FER1L5: variants seen among roughly 807,000 people sequenced by gnomAD.
The protein encoded by FER1L5 is fer-1-like protein 5.
In FER1L5, 187 loss-of-function variants were observed where a neutral mutation model predicts 279.9. The observed-to-expected ratio is 0.67, with a 90% CI of 0.59 to 0.75. The LOEUF is 0.75. Ranked by LOEUF, FER1L5 falls within the 30% of genes least tolerant of loss-of-function variation. The pLI is 0.00. For missense variants in FER1L5, 2,091 were observed against 2,594.4 expected, an observed-to-expected ratio of 0.81 and a Z score of 4.21; for synonymous variants, 921 against 989.7, an observed-to-expected ratio of 0.93 and a Z score of 1.30.
Position 96,691,589 on chromosome 2 carries a change from A to G in FER1L5, c.3052A>G (p.Ile1018Val). ...APNKDKGIAP[I>V]FLLEGSLAMD... ...CAACAAGGACAAGGGCATCGCGCCC[A>G]TATTCCTCCTGGAGGGGTCCTTGGT... Residue 1018 changes from isoleucine (I) to valine (V), a missense_variant, in exon 29 of 53, where the codon ATA (isoleucine) becomes GTA (valine). By Grantham distance (29) the Ile-to-Val change is conservative (BLOSUM62 3). Coordinates refer to ENST00000624922, the MANE Select transcript of FER1L5 (RefSeq NM_001293083.2). The surrounding 1 kb of genome is among the most constrained non-coding windows in gnomAD (Gnocchi z 6.0). The G allele has an allele frequency of 6.5e-7, 1 of 1,538,944 alleles. No homozygotes were observed. The highest frequency in any genetic ancestry group is 8.8e-7 in the Non-Finnish European group (1 of 1,141,004).
At chr2:96,690,376 G>A (rs1003745908) in intron 26 of FER1L5, 111 bp from the exon 27 acceptor site, 3 of 904,048 alleles carry the variant, frequency 3.3e-6, no homozygotes, top group Non-Finnish European at 5.2e-6. Flanking sequence ...GGCCTGGAGT[G>A]GGAGGCTGCT....
intron 19 of FER1L5, among the ~76,000 whole-genome samples, chr2:96,683,119 C>A (rs970768967): frequency 2.6e-5 from 4 of 152,170 alleles, no homozygotes; most frequent in African/African-American, 9.7e-5. Flanking sequence ...ATTCCCCGGC[C>A]CCAACGGCTT....
rs2077633737 is a variant in FER1L5, at chr2:96,702,743, T to C, written c.5397+2T>C. On this transcript the variant is annotated splice_donor_variant, in intron 48 of 52. Coordinates refer to ENST00000624922, the MANE Select transcript of FER1L5 (RefSeq NM_001293083.2). LOFTEE classifies it high-confidence loss of function. The surrounding 1 kb of genome is among the most constrained non-coding windows in gnomAD (Gnocchi z 4.0). ...CGCACGTGTGTCCAGAGCCAGAAGG[T>C]AACAGGCCTGGGGCGTGAGGGGCAA... 2 of 1,612,568 alleles carry C rather than the reference T, an allele frequency of 1.2e-6. No individual in the cohort carries two copies. The highest frequency in any genetic ancestry group is 1.7e-6 in the Non-Finnish European group (2 of 1,179,510).
At chr2:96,661,528 ATCTC>A in intron 11 of FER1L5, 88 bp downstream of exon 11, 1 of 1,506,790 alleles carries the variant, frequency 6.6e-7, no homozygotes, top group Non-Finnish European at 9.0e-7. Context: ...TGACCATCAC[ATCTC>A]TCCTTTGTCC....
intron 19 of FER1L5, among the ~76,000 whole-genome samples, chr2:96,677,535 A>G (rs1179778942): frequency 6.6e-6 from 1 of 152,104 alleles, no homozygotes; most frequent in African/African-American, 2.4e-5. Flanking sequence ...TAATCCATTC[A>G]TCAGTTGATG....
rs1461135779 is a variant in FER1L5 at position 96,690,690 on chromosome 2, C to T, written c.2743+101C>T. ...GAGCAGCCAAGCCCTCCATGGTATA[C>T]GCCTAAATTCCTGGGGCCCCCTGGC... On this transcript the variant is annotated intron_variant, in intron 27 of 52. Coordinates refer to ENST00000624922, the MANE Select transcript of FER1L5 (RefSeq NM_001293083.2). 17 of 1,098,636 alleles carry T rather than the reference C, an allele frequency of 1.5e-5. No homozygotes were observed. In the African/African-American group the frequency reaches 1.7e-4, roughly 11 times the overall value. The allele number at this position is 1,098,636 out of a possible 1,614,324, so 68.1% of individuals were successfully genotyped here. A position where few individuals can be genotyped will look rare whatever the true frequency, so the allele number is the denominator to read the frequency against.
At chr2:96,659,392 T>TTCCTTC (rs2075801890) in intron 9 of FER1L5, among the ~76,000 whole-genome samples, 1 of 8,338 alleles carries the variant, frequency 1.2e-4, no homozygotes. Context: ...TTTCTTTCTT[T>TTCCTTC]CTTTCTTTCT....
chr2:96,693,884 C>T (rs1392446950), intron 32 of FER1L5, 27 bp from the exon 33 acceptor site: 7 of 1,528,884 alleles, frequency 4.6e-6, no homozygotes, highest in African/African-American at 1.4e-5. Flanking sequence ...GCATGGCCTC[C>T]ATGCTTTGTG....
rs2077358359 is a variant in FER1L5 at position 96,695,918 on chromosome 2, TCCG to T, written c.4057+15_4057+17del. 2.5e-6 allele frequency: 4 copies of T among 1,612,312 alleles called. No individual in the cohort carries two copies. In the African/African-American group the frequency reaches 5.3e-5, roughly 22 times the overall value. The stretch of plus-strand genomic sequence containing the variant: ...CAAAGCTTCCAAGTACGGCCCTTCC[TCCG>T]TGCCTTTCCCCAGGCCTCACAAGCG... On this transcript the variant is annotated intron_variant, in intron 36 of 52. Transcript: ENST00000624922.
intron 14 of FER1L5, among the ~76,000 whole-genome samples, chr2:96,664,549 T>C (rs752917880): frequency 6.6e-6 from 1 of 152,256 alleles, no homozygotes; most frequent in Non-Finnish European, 1.5e-5. Flanking sequence ...TGCTAAGTAA[T>C]ATTCCATTGT....
intron 18 of FER1L5, among the ~76,000 whole-genome samples, chr2:96,672,198 C>T (rs1385232884): frequency 6.6e-6 from 1 of 152,166 alleles, no homozygotes; most frequent in African/African-American, 2.4e-5. Context: ...CTTGCCTCAG[C>T]CTCCTGAGTA....
rs549831652 is a variant in FER1L5, at chr2:96,693,400, C to G, written c.3293-106C>G. 94 of 1,214,780 alleles carry G rather than the reference C, an allele frequency of 7.7e-5. No individual in the cohort carries two copies. The East Asian group carries it at 2.4e-3, about 31-fold the overall frequency. 75.3% of individuals were successfully genotyped at this position (1,214,780 alleles called of 1,614,324 possible). On this transcript the variant is annotated intron_variant, in intron 31 of 52. Coordinates refer to ENST00000624922, the MANE Select transcript of FER1L5 (RefSeq NM_001293083.2). ...CTGGGAGGCCTCAGTGGCTGCCCTGCCTGACCCTCCTGGGCCCCACTGGGT... is the reference window on the plus strand; with the variant it reads ...CTGGGAGGCCTCAGTGGCTGCCCTGGCTGACCCTCCTGGGCCCCACTGGGT...
Position 96,698,146 on chromosome 2 carries a change from G to C in FER1L5, c.4346G>C (p.Gly1449Ala). Reference sequence around the variant, plus strand: ...CCCAAGTTGGACAGCCCCGTGGTAGGGGAGTTCAAGGTGTGTGTCCACCCC... The same window carrying C: ...CCCAAGTTGGACAGCCCCGTGGTAGCGGAGTTCAAGGTGTGTGTCCACCCC... ...EQPKLDSPVV[G>A]EFKGLFRIYP... Residue 1449 changes from glycine (G) to alanine (A), a missense_variant, in exon 40 of 53, where the codon GGG becomes GCG. Physicochemically the swap from Gly to Ala is moderately conservative, Grantham distance 60 (BLOSUM62 0). Transcript: ENST00000624922. The surrounding 1 kb of genome is among the most constrained non-coding windows in gnomAD (Gnocchi z 5.5). The C allele has an allele frequency of 1.3e-6, 2 of 1,562,232 alleles. No individual in the cohort carries two copies. Among genetic ancestry groups the C allele is most frequent in the Non-Finnish European group, 1.7e-6 (2 of 1,153,166 alleles).
intron 3 of FER1L5, among the ~76,000 whole-genome samples, chr2:96,647,416 C>A (rs752352491): frequency 9.9e-5 from 15 of 152,220 alleles, no homozygotes; most frequent in Non-Finnish European, 1.8e-4. Flanking sequence ...CTCTGCCCAA[C>A]CCCGGCTTCT....
chr2:96,659,364 T>TCCTTC (rs1491129824), intron 9 of FER1L5, among the ~76,000 whole-genome samples: 2 of 20,708 alleles, frequency 9.7e-5, no homozygotes, highest in Admixed American at 6.1e-4. Context: ...CTTCCTTCCT[T>TCCTTC]CTTTCTTTCT....
chr2:96,668,361 C>CA (rs113381426), intron 14 of FER1L5, among the ~76,000 whole-genome samples: 15,218 of 138,684 alleles, frequency 0.11, 1,657 homozygotes, highest in African/African-American at 0.29. Flanking sequence ...CCTGTCTCTA[C>CA]AAAAAAAAAA....
chr2:96,649,938 G>A (rs377188714), intron 5 of FER1L5, among the ~76,000 whole-genome samples: 2 of 152,222 alleles, frequency 1.3e-5, no homozygotes, highest in East Asian at 3.8e-4. Context: ...GGGCTGCAGA[G>A]AGACAAGGAT....
chr2:96,650,655 G>A (rs2075321504), intron 6 of FER1L5, among the ~76,000 whole-genome samples: 1 of 152,176 alleles, frequency 6.6e-6, no homozygotes, highest in Non-Finnish European at 1.5e-5. Context: ...GGAGAGGCTG[G>A]GGAGTGTCTG....
Position 96,689,115 on chromosome 2 carries a change from T to C in FER1L5, c.2362-98T>C. On this transcript the variant is annotated intron_variant, in intron 24 of 52. Coordinates refer to ENST00000624922, the MANE Select transcript of FER1L5 (RefSeq NM_001293083.2). The surrounding 1 kb of genome is among the most constrained non-coding windows in gnomAD (Gnocchi z 4.6). ...TTGCCTGGCTACCACATTTTTAGGA[T>C]GCCCCTGCAGCCCAGAGTCAGGGGG... The C allele has an allele frequency of 7.3e-7, 1 of 1,373,986 alleles. No homozygotes were observed. Among genetic ancestry groups the C allele is most frequent in the Non-Finnish European group, 9.7e-7 (1 of 1,029,438 alleles). 85.1% of individuals were successfully genotyped at this position (1,373,986 alleles called of 1,614,324 possible).
Sources: gnomAD v4.1 joint callset for allele counts (sites outside exome capture counted in the v4.1 genomes callset) on GRCh38, gnomAD v4.1.1 for gene constraint, Gnocchi (gnomAD v3.1) non-coding constraint, MANE v1.5 for transcripts, NCBI Gene and HGNC (gene_info 2026-07-23, HGNC 2026-07-21) for gene names.